KIF21B: variants seen among roughly 807,000 people sequenced by gnomAD.
The protein encoded by KIF21B is kinesin-like protein KIF21B.
KIF21B carries 85 observed loss-of-function variants against 192.9 expected under a neutral mutation model. The observed-to-expected ratio is 0.44, with a 90% confidence interval of 0.37 to 0.53. The LOEUF is 0.53. Ranked by LOEUF, KIF21B falls within the 20% of genes least tolerant of loss-of-function variation. The probability of loss-of-function intolerance (pLI) is 0.00; values close to 1 mark genes in which losing one functional copy is unlikely to be tolerated. For synonymous variants in KIF21B, 832 were observed against 884.6 expected, an observed-to-expected ratio of 0.94 and a Z score of 1.05; for missense variants, 1,716 against 2,194.8, an observed-to-expected ratio of 0.78 and a Z score of 4.36.
chr1:200,991,566 G>T, intron 17 of KIF21B, 91 bp downstream of exon 17: 1 of 1,300,872 alleles, frequency 7.7e-7, no homozygotes, highest in Non-Finnish European at 1.1e-6. Context: ...CCAGGAAGTT[G>T]GAGGCCCAAA....
intron 1 of KIF21B, among the ~76,000 whole-genome samples, chr1:201,012,209 C>T (rs533016120): frequency 6.6e-6 from 1 of 152,280 alleles, no homozygotes; most frequent in East Asian, 1.9e-4. Flanking sequence ...CTCTTAGCAC[C>T]AGACTGCTTT....
chr1:201,004,406 A>C lies in KIF21B; in HGVS notation c.950T>G (p.Val317Gly). 1 of 1,582,298 alleles carries C rather than the reference A, an allele frequency of 6.3e-7. No homozygotes were observed. The highest frequency in any genetic ancestry group is 8.6e-7 in the Non-Finnish European group (1 of 1,163,458). Residue 317 changes from valine to glycine, a missense_variant, in exon 7 of 35, where the codon GTG becomes GGG. This residue lies in a region of KIF21B where 1,087 missense variants were observed against 1,316.6 expected (regional missense o/e 0.83). Coordinates refer to ENST00000461742, the MANE Select transcript of KIF21B (RefSeq NM_001252102.2). The stretch of plus-strand genomic sequence containing the variant: ...GGAGTCCCTGTAGGGAACGTGCACC[A>C]CCTTCTTGCTCTGGTCCCCTAAGGC... ...ISALGDQSKKVVHVPYRDSKL... is the reference protein window; with the variant it reads ...ISALGDQSKKGVHVPYRDSKL...
At chr1:200,993,765 C>CAAAAAA (rs553024029) in intron 15 of KIF21B, among the ~76,000 whole-genome samples, 3 of 91,712 alleles carry the variant, frequency 3.3e-5, no homozygotes, top group Admixed American at 1.2e-4. Flanking sequence ...CAAAACAAAA[C>CAAAAAA]AAAAAAAAAA....
chr1:201,003,452 T>A, intron 8 of KIF21B, 134 bp downstream of exon 8: 2 of 840,614 alleles, frequency 2.4e-6, no homozygotes, highest in Admixed American at 4.0e-5. Flanking sequence ...TCAAGAGTCA[T>A]GTCCAAAGTG....
At chr1:200,985,392 G>A (rs1303026146) in intron 26 of KIF21B, among the ~76,000 whole-genome samples, 1 of 152,188 alleles carries the variant, frequency 6.6e-6, no homozygotes, top group East Asian at 1.9e-4. Flanking sequence ...AGAGTCTAAG[G>A]TGGGAGGATC....
In KIF21B at chr1:200,977,347, G is replaced by A. The variant is rs1655626584; in HGVS notation, c.4190C>T (p.Ala1397Val). Residue 1397 changes from alanine (A) to valine (V), a missense_variant, in exon 31 of 35, where the codon GCC becomes GTC. By Grantham distance (64) the Ala-to-Val change is moderately conservative. Transcript: ENST00000461742. ...GGCACGGGTGGATGTGGCGGCACAG[G>A]CATCCCCTGAGATCACCTGGCCCGA... ...TSSGQVISGD[A>V]CAATSTRAIT... 1 of 1,614,210 alleles carries A rather than the reference G, an allele frequency of 6.2e-7. No homozygotes were observed. Among genetic ancestry groups the A allele is most frequent in the Non-Finnish European group, 8.5e-7 (1 of 1,180,010 alleles).
chr1:200,988,372 G>A lies in KIF21B; in HGVS notation c.3351-19C>T. 3 of 1,614,116 alleles carry A rather than the reference G, an allele frequency of 1.9e-6. No homozygotes were observed. The highest frequency in any genetic ancestry group is 2.5e-6 in the Non-Finnish European group (3 of 1,179,962). On this transcript the variant is annotated intron_variant, in intron 23 of 34. Coordinates refer to ENST00000461742, the MANE Select transcript of KIF21B (RefSeq NM_001252102.2). ...GGAGAAGCTGAGGAAGAAGCAGAGAGAGTTCAGGATCCTGAGGAGCCCCCA... is the reference window on the plus strand; with the variant it reads ...GGAGAAGCTGAGGAAGAAGCAGAGAAAGTTCAGGATCCTGAGGAGCCCCCA...
chr1:200,981,081 C>A lies in KIF21B; in HGVS notation c.3858G>T (p.Pro1286=). The A allele has an allele frequency of 6.3e-7, 1 of 1,591,956 alleles. No individual in the cohort carries two copies. The highest frequency in any genetic ancestry group is 8.5e-7 in the Non-Finnish European group (1 of 1,173,044). The change falls in exon 29 of 35, where the codon CCG becomes CCT. Residue 1286 remains proline (P), a synonymous_variant. Transcript: ENST00000461742. ...LSEVLRGIIS[P]VGGAKGARTA... is the part of the protein sequence containing the mutation. The stretch of plus-strand genomic sequence containing the variant: ...TCCGTGCACCCTTGGCTCCTCCAAC[C>A]GGGGAGATGATGCCCCTTCCCGGGA...
In KIF21B at chr1:200,971,207, C is replaced by T. The variant is rs981089708; in HGVS notation, c.*2314G>A. On this transcript the variant is annotated 3_prime_UTR_variant, in exon 35 of 35. Coordinates refer to ENST00000461742, the MANE Select transcript of KIF21B (RefSeq NM_001252102.2). ...AATCCAACTCTCATGAAGCACAACT[C>T]GGGGTGTCTCATGGATGTTGGGCTC... The T allele has an allele frequency of 2.0e-5, 3 of 152,760 alleles. No homozygotes were observed. Among genetic ancestry groups the T allele is most frequent in the Admixed American group, 6.5e-5 (1 of 15,288 alleles). The allele number at this position is 152,760 out of a possible 1,614,324, so 9.5% of individuals were successfully genotyped here. A position where few individuals can be genotyped will look rare whatever the true frequency, so the allele number is the denominator to read the frequency against.
chr1:201,000,273 C>A lies in KIF21B; in HGVS notation c.1685+117G>T. On this transcript the variant is annotated intron_variant, in intron 11 of 34. Transcript: ENST00000461742. This position sits in a 1 kb window ranked among gnomAD's most constrained non-coding sequence, Gnocchi z 6.0. ...AGCAATACTGAGGCAGCCCCTGGGG[C>A]TGGGGGCGTGGAGGTTCCCTCCTAA... The A allele has an allele frequency of 9.3e-7, 1 of 1,080,528 alleles. No individual in the cohort carries two copies. The highest frequency in any genetic ancestry group is 1.5e-5 in the South Asian group (1 of 65,344). 66.9% of individuals were successfully genotyped at this position (1,080,528 alleles called of 1,614,324 possible). A position where few individuals can be genotyped will look rare whatever the true frequency, so the allele number is the denominator to read the frequency against.
rs140446662 is a variant in KIF21B, at chr1:200,979,026, C to T, written c.4160+509G>A. 1.1e-4 allele frequency among the ~76,000 whole-genome samples: 17 copies of T among 152,326 alleles called. No homozygotes were observed. In the East Asian group the frequency reaches 3.1e-3, roughly 28 times the overall value. ...TAAGGATCAAATTAATAGACTGTAG[C>T]TTACAGTGTTAATGTAAGGATGTAG... On this transcript the variant is annotated intron_variant, in intron 30 of 34. Transcript: ENST00000461742.
In KIF21B at chr1:200,981,105, G is replaced by C. The variant is rs771907234; in HGVS notation, c.3843-9C>G. 6.3e-7 allele frequency: 1 copy of C among 1,576,306 alleles called. No individual in the cohort carries two copies. Among genetic ancestry groups the C allele is most frequent in the East Asian group, 2.3e-5 (1 of 42,576 alleles). Reference sequence around the variant, plus strand: ...CCGGGGAGATGATGCCCCTTCCCGGGAGAGAGGGAGAGAAGGCATGCTCGT... The same window carrying C: ...CCGGGGAGATGATGCCCCTTCCCGGCAGAGAGGGAGAGAAGGCATGCTCGT... On this transcript the variant is annotated splice_polypyrimidine_tract_variant and intron_variant, in intron 28 of 34. Transcript: ENST00000461742.
At position 200,973,354 on chromosome 1, in the gene KIF21B, G is replaced by A; in HGVS notation, c.*167C>T. The stretch of plus-strand genomic sequence containing the variant: ...TCCTGAGAGGCAGGGGAGGGATGAG[G>A]GAACAGTGTCCTGTGGGAAGGCCAA... On this transcript the variant is annotated 3_prime_UTR_variant, in exon 35 of 35. Transcript: ENST00000461742. The A allele has an allele frequency of 2.6e-6, 2 of 764,418 alleles. No homozygotes were observed. Among genetic ancestry groups the A allele is most frequent in the Non-Finnish European group, 3.7e-6 (2 of 536,470 alleles). The allele number at this position is 764,418 out of a possible 1,614,324, so 47.4% of individuals were successfully genotyped here.
intron 3 of KIF21B, among the ~76,000 whole-genome samples, chr1:201,007,973 G>A (rs955368234): frequency 6.6e-6 from 1 of 152,216 alleles, no homozygotes; most frequent in African/African-American, 2.4e-5. Context: ...TACCCTGCAG[G>A]GCAAGCCACC....
intron 17 of KIF21B, 27 bp downstream of exon 17, chr1:200,991,630 C>A (rs1656704280): frequency 4.4e-6 from 7 of 1,608,860 alleles, no homozygotes; most frequent in East Asian, 4.5e-5. Flanking sequence ...AGGGCCAGGG[C>A]CTCGCCAGCC....
rs1250955515 is a variant in KIF21B at position 201,003,702 on chromosome 1, G to A, written c.1096C>T (p.Arg366Trp). Residue 366 changes from arginine (R) to tryptophan (W), a missense_variant, in exon 8 of 35, where the codon CGG becomes TGG. Physicochemically the swap from Arg to Trp is moderately radical, Grantham distance 101. Around this residue, in one of 3 missense-constraint regions of KIF21B, gnomAD observed 1,087 missense variants for 1,316.6 expected, o/e 0.83. Coordinates refer to ENST00000461742, the MANE Select transcript of KIF21B (RefSeq NM_001252102.2). Reference sequence around the variant, plus strand: ...ACCTTGTTCTTGATGTTGCGGGCCCGATTGGCATATTTGAGTGTGTTGAGG... The same window carrying A: ...ACCTTGTTCTTGATGTTGCGGGCCCAATTGGCATATTTGAGTGTGTTGAGG... The part of the protein sequence containing the change: ...ETLNTLKYAN[R>W]ARNIKNKVVV... 2 of 1,614,200 alleles carry A rather than the reference G, an allele frequency of 1.2e-6. No individual in the cohort carries two copies. The highest frequency in any genetic ancestry group is 1.7e-6 in the Non-Finnish European group (2 of 1,180,036).
At position 200,999,419 on chromosome 1, in the gene KIF21B, G is replaced by A. The variant is rs878890348; in HGVS notation, c.1815C>T (p.Arg605=). The A allele has an allele frequency of 3.7e-6, 6 of 1,613,894 alleles. No homozygotes were observed. The highest frequency in any genetic ancestry group is 5.1e-6 in the Non-Finnish European group (6 of 1,179,938). ...TGCCCGAGTCCTCATCTTCATCCTC[G>A]CGCCCTTCCTCCTCCTCACAGCCAC... The part of the protein sequence containing the change: ...DESGCEEEEG[R]EDEDEDSGSE... The change falls in exon 13 of 35, where the codon CGC becomes CGT. Residue 605 remains arginine, a synonymous_variant. Coordinates refer to ENST00000461742, the MANE Select transcript of KIF21B (RefSeq NM_001252102.2). This position sits in a 1 kb window ranked among gnomAD's most constrained non-coding sequence, Gnocchi z 4.7.
rs1658566571 is a variant in KIF21B, at chr1:201,017,342, G to A, written c.41+6001C>T. ...GCCACACAAGCCTGGCTGTGAGCAGGAGCCAGGAACTTCCTGGGCCAGGGT... is the reference window on the plus strand; with the variant it reads ...GCCACACAAGCCTGGCTGTGAGCAGAAGCCAGGAACTTCCTGGGCCAGGGT... On this transcript the variant is annotated intron_variant, in intron 1 of 34. Coordinates refer to ENST00000461742, the MANE Select transcript of KIF21B (RefSeq NM_001252102.2). This position sits in a 1 kb window ranked among gnomAD's most constrained non-coding sequence, Gnocchi z 4.1. Among the ~76,000 whole-genome samples the A allele has an allele frequency of 1.3e-5, 2 of 152,186 alleles. No homozygotes were observed. The highest frequency in any genetic ancestry group is 2.1e-4 in the South Asian group (1 of 4,836).
intron 34 of KIF21B, chr1:200,973,849 C>A (rs1435687450): frequency 1.4e-6 from 2 of 1,439,074 alleles, no homozygotes; most frequent in African/African-American, 2.9e-5. Context: ...CCTGAAGGCT[C>A]CCCCTTCTGC....
Sources: allele counts gnomAD v4.1 joint callset (sites outside exome capture counted in the v4.1 genomes callset), GRCh38; gene constraint gnomAD v4.1.1; regional missense constraint gnomAD v4.1.1; non-coding constraint Gnocchi (gnomAD v3.1); transcripts MANE v1.5; gene names NCBI Gene and HGNC (gene_info 2026-07-23, HGNC 2026-07-21).